MYH4: variants seen among roughly 807,000 people sequenced by gnomAD.
The protein encoded by MYH4 is myosin heavy chain 4, also known as myosin-4.
MYH4 carries 200 observed loss-of-function variants against 229.9 expected under a neutral mutation model. The ratio of observed to expected loss-of-function variants is 0.87; its 90% CI spans 0.78 to 0.98. The LOEUF is 0.98. MYH4 is among the 50% of genes least tolerant of loss of function. MYH4 has a pLI of 0.00. For synonymous variants in MYH4, 761 were observed against 834.6 expected (o/e 0.91, Z 1.52); for missense variants, 2,148 against 2,332.6 (o/e 0.92, Z 1.63).
intron 15 of MYH4, among the ~76,000 whole-genome samples, chr17:10,457,973 C>A (rs2072660395): frequency 6.6e-6 from 1 of 152,270 alleles, no homozygotes; most frequent in African/African-American, 2.4e-5. Flanking sequence ...TGTATAAAAT[C>A]AGATTCTGAA....
intron 31 of MYH4, 23 bp downstream of exon 31, chr17:10,448,841 G>A (rs1219756676): frequency 6.2e-7 from 1 of 1,613,256 alleles, no homozygotes; most frequent in Admixed American, 1.7e-5. Flanking sequence ...TTTCCCCCAA[G>A]GGGAGCTGGT....
chr17:10,464,448 T>A, intron 7 of MYH4, 24 bp downstream of exon 7: 1 of 1,589,188 alleles, frequency 6.3e-7, no homozygotes, highest in Non-Finnish European at 8.6e-7. Flanking sequence ...TGTTATTCTG[T>A]CCTTAGATGA....
rs768630081 is a variant in MYH4, at chr17:10,450,477, C to T, written c.4157G>A (p.Arg1386His). 22 of 1,613,890 alleles carry T rather than the reference C, an allele frequency of 1.4e-5. No homozygotes were observed. Among genetic ancestry groups the T allele is most frequent in the South Asian group, 6.6e-5 (6 of 91,082 alleles). Residue 1386 changes from arginine to histidine, a missense_variant, in exon 30 of 40, where the codon CGC (arginine) becomes CAC (histidine). Coordinates refer to ENST00000255381, the MANE Select transcript of MYH4 (RefSeq NM_017533.2). ...RTKYETDAIQ[R>H]TEELEEAKKK... ...CTTGGCCTCCTCCAGCTCCTCTGTG[C>T]GCTGGATGGCGTCCGTCTCGTACTT...
rs1207278245 is a variant in MYH4 at position 10,454,668 on chromosome 17, A to G, written c.2578T>C (p.Phe860Leu). ...GCCAGCTCTTCTTTGGTTTTCTCAA[A>G]TTCTTCCTTCATGTTGGCCATCTCC... ...EKEMANMKEEFEKTKEELAKT... is the reference protein window; with the variant it reads ...EKEMANMKEELEKTKEELAKT... Residue 860 changes from phenylalanine (F) to leucine (L), a missense_variant, in exon 22 of 40, where the codon TTT (phenylalanine) becomes CTT (leucine). By Grantham distance (22) the Phe-to-Leu change is conservative. Coordinates refer to ENST00000255381, the MANE Select transcript of MYH4 (RefSeq NM_017533.2). 6.2e-7 allele frequency: 1 copy of G among 1,613,970 alleles called. No individual in the cohort carries two copies. The highest frequency in any genetic ancestry group is 8.5e-7 in the Non-Finnish European group (1 of 1,180,022).
chr17:10,452,499 A>G lies in MYH4; in HGVS notation c.3265T>C (p.Phe1089Leu). ...QLNEKLKKKE[F>L]EMSNLQGKIE... ...TTGCCTTGCAGATTGCTCATTTCAAACTCTTTCCTATTAGAAGAGCAACAC... is the reference window on the plus strand; with the variant it reads ...TTGCCTTGCAGATTGCTCATTTCAAGCTCTTTCCTATTAGAAGAGCAACAC... Residue 1089 changes from phenylalanine (F) to leucine (L), a missense_variant, in exon 26 of 40, where the codon TTT becomes CTT. By Grantham distance (22) the Phe-to-Leu change is conservative (BLOSUM62 0). Coordinates refer to ENST00000255381, the MANE Select transcript of MYH4 (RefSeq NM_017533.2). The G allele has an allele frequency of 6.2e-7, 1 of 1,613,432 alleles. No individual in the cohort carries two copies. The highest frequency in any genetic ancestry group is 8.5e-7 in the Non-Finnish European group (1 of 1,179,724).
chr17:10,444,556 A>T, intron 39 of MYH4, 48 bp downstream of exon 39: 3 of 1,482,516 alleles, frequency 2.0e-6, no homozygotes, highest in Non-Finnish European at 2.8e-6. Context: ...GCCCCAAAAA[A>T]CCTGGATGTG....
In MYH4 at chr17:10,451,455, G is replaced by A. The variant is rs765903804; in HGVS notation, c.3739-3C>T. ...CGGCACATTTTCTCAAAGTTTGCCTGGGGTGAGAGGTAGAAAACAGGAAGA... is the reference window on the plus strand; with the variant it reads ...CGGCACATTTTCTCAAAGTTTGCCTAGGGTGAGAGGTAGAAAACAGGAAGA... On this transcript the variant is annotated splice_region_variant and splice_polypyrimidine_tract_variant and intron_variant, in intron 27 of 39. Transcript: ENST00000255381. 6.2e-7 allele frequency: 1 copy of A among 1,612,622 alleles called. No individual in the cohort carries two copies. Among genetic ancestry groups the A allele is most frequent in the East Asian group, 2.2e-5 (1 of 44,838 alleles).
At position 10,448,091 on chromosome 17, in the gene MYH4, G is replaced by A; in HGVS notation, c.4692C>T (p.Arg1564=). 2 of 1,613,716 alleles carry A rather than the reference G, an allele frequency of 1.2e-6. No individual in the cohort carries two copies. Among genetic ancestry groups the A allele is most frequent in the Non-Finnish European group, 1.7e-6 (2 of 1,179,892 alleles). ...TCACCTGATTTAGCTCAAGTTGAATGCGAAGAATTTTGCCTTCTTCATGCT... is the reference window on the plus strand; with the variant it reads ...TCACCTGATTTAGCTCAAGTTGAATACGAAGAATTTTGCCTTCTTCATGCT... ...SLEHEEGKIL[R]IQLELNQVKS... The change falls in exon 34 of 40, where the codon CGC becomes CGT. Residue 1564 remains arginine (R), a synonymous_variant. Coordinates refer to ENST00000255381, the MANE Select transcript of MYH4 (RefSeq NM_017533.2).
Position 10,453,301 on chromosome 17 carries a change from C to G in MYH4, c.2962G>C (p.Gly988Arg), listed in dbSNP as rs2072599090. The change falls in exon 24 of 40, where the codon GGT becomes CGT. Residue 988 changes from glycine (G) to arginine (R), a missense_variant. Gly to Arg is a moderately radical substitution (Grantham distance 125). Coordinates refer to ENST00000255381, the MANE Select transcript of MYH4 (RefSeq NM_017533.2). ...AGCTTAGCAATGGTTTCATCCAGAC[C>G]TGCCATCTCTTCTGTGAGGTTTTTC... is the stretch of plus-strand genomic sequence containing the variant. ...KVKNLTEEMA[G>R]LDETIAKLTK... The G allele has an allele frequency of 1.9e-6, 3 of 1,613,846 alleles. No individual in the cohort carries two copies. The African/African-American group carries it at 4.0e-5, about 22-fold the overall frequency.
At chr17:10,464,751 T>G (rs2072744095) in intron 5 of MYH4, 43 bp from the exon 6 acceptor site, 2 of 1,590,008 alleles carry the variant, frequency 1.3e-6, no homozygotes, top group Non-Finnish European at 1.7e-6. Flanking sequence ...AAAACACACT[T>G]AACACATAGG....
At chr17:10,451,222 A>C in intron 28 of MYH4, 104 bp downstream of exon 28, 1 of 1,371,170 alleles carries the variant, frequency 7.3e-7, no homozygotes, top group Non-Finnish European at 9.9e-7. Context: ...AGACATGATA[A>C]ATGAATGTAC....
chr17:10,465,333 A>G, intron 5 of MYH4, 109 bp downstream of exon 5: 1 of 1,335,924 alleles, frequency 7.5e-7, no homozygotes, highest in South Asian at 1.4e-5. Context: ...TATTTCTGTT[A>G]TCATGTTTGT....
chr17:10,462,012 G>T (rs2072708696), intron 11 of MYH4, among the ~76,000 whole-genome samples: 2 of 151,896 alleles, frequency 1.3e-5, no homozygotes, highest in Admixed American at 1.3e-4. Flanking sequence ...ATCACTTTTG[G>T]ACATACAAAG....
chr17:10,458,719 G>C (rs2072668003), intron 15 of MYH4, among the ~76,000 whole-genome samples: 1 of 152,144 alleles, frequency 6.6e-6, no homozygotes, highest in Non-Finnish European at 1.5e-5. Context: ...CACCCCCTTA[G>C]TAATGGGGAA....
rs1446643717 is a variant in MYH4, at chr17:10,454,926, T to C, written c.2435+15A>G. On this transcript the variant is annotated intron_variant, in intron 21 of 39. Transcript: ENST00000255381. Reference sequence around the variant, plus strand: ...TGAAAGTGTGGAGCAGGAAGACTTGTGTGTGGGCTCTCACCTCCTCTCCAT... The same window carrying C: ...TGAAAGTGTGGAGCAGGAAGACTTGCGTGTGGGCTCTCACCTCCTCTCCAT... 1 of 1,613,712 alleles carries C rather than the reference T, an allele frequency of 6.2e-7. No homozygotes were observed. Among genetic ancestry groups the C allele is most frequent in the East Asian group, 2.2e-5 (1 of 44,882 alleles).
At chr17:10,444,378 A>T (rs2069620117) in intron 39 of MYH4, among the ~76,000 whole-genome samples, 1 of 152,192 alleles carries the variant, frequency 6.6e-6, no homozygotes, top group Non-Finnish European at 1.5e-5. Context: ...AAACATTTGT[A>T]TGTTAACATG....
chr17:10,455,855 T>C lies in MYH4; in HGVS notation c.2015A>G (p.His672Arg). The C allele has an allele frequency of 1.2e-6, 2 of 1,614,120 alleles. No homozygotes were observed. Among genetic ancestry groups the C allele is most frequent in the Non-Finnish European group, 1.7e-6 (2 of 1,179,998 alleles). Residue 672 changes from histidine (H) to arginine (R), a missense_variant, in exon 18 of 40, where the codon CAC becomes CGC. By Grantham distance (29) the His-to-Arg change is conservative. Transcript: ENST00000255381. ...ATTGGGGATGATGCACCGCACAAAG[T>C]GGGGGTGAGTGCTCCTCAAGTTGGT... ...LMTNLRSTHP[H>R]FVRCIIPNET...
intron 2 of MYH4, 88 bp from the exon 3 acceptor site, chr17:10,466,872 A>T (rs139414115): frequency 1.6e-6 from 2 of 1,229,808 alleles, no homozygotes; most frequent in East Asian, 2.5e-5. Flanking sequence ...TTAATTTTCC[A>T]TGCTTGTTTC....
At chr17:10,449,961 T>C (rs1330844614) in intron 30 of MYH4, among the ~76,000 whole-genome samples, 1 of 152,188 alleles carries the variant, frequency 6.6e-6, no homozygotes, top group African/African-American at 2.4e-5. Context: ...TCATGACTTG[T>C]AGTCCGCAAA....
Sources: allele counts gnomAD v4.1 joint callset (sites outside exome capture counted in the v4.1 genomes callset), GRCh38; gene constraint gnomAD v4.1.1; transcripts MANE v1.5; gene names NCBI Gene and HGNC (gene_info 2026-07-23, HGNC 2026-07-21).